The following MAX variants were observed in gnomAD, a reference collection of about 807,000 sequenced individuals.
MAX encodes protein max.
A neutral mutation model predicts 22.3 loss-of-function variants in MAX; 3 were observed. The observed-to-expected ratio is 0.13, with a 90% CI of 0.06 to 0.35. The LOEUF (loss-of-function observed/expected upper bound fraction) is 0.35, where lower values mean the gene tolerates loss of function less well. Among genes scored for constraint, MAX ranks in the 10% least tolerant of loss-of-function variants. The probability of loss-of-function intolerance (pLI) is 1.00; values close to 1 mark genes in which losing one functional copy is unlikely to be tolerated. For missense variants in MAX, 119 were observed against 209.4 expected, an observed-to-expected ratio of 0.57 and a Z score of 2.66; for synonymous variants, 72 against 77.7, an observed-to-expected ratio of 0.93 and a Z score of 0.39.
rs1221672073 is a variant in MAX, at chr14:65,023,086, C to T, written c.172-16802G>A. On this transcript the variant is annotated intron_variant, in intron 3 of 3. Coordinates refer to the MAX transcript ENST00000341653. This position sits in a 1 kb window ranked among gnomAD's most constrained non-coding sequence, Gnocchi z 4.1. ...ATTGATTAATTGATTGAGACAGGGT[C>T]TCACTCTATTGTCTGGGCTGGAATG... 6.6e-6 allele frequency among the ~76,000 whole-genome samples: 1 copy of T among 152,198 alleles called. No individual in the cohort carries two copies. Among genetic ancestry groups the T allele is most frequent in the African/African-American group, 2.4e-5 (1 of 41,438 alleles).
chr14:65,012,423 A>C lies in MAX; in HGVS notation c.172-6139T>G. The C allele has an allele frequency of 1.2e-6, 2 of 1,613,152 alleles. No homozygotes were observed. Among genetic ancestry groups the C allele is most frequent in the Non-Finnish European group, 1.7e-6 (2 of 1,179,186 alleles). On this transcript the variant is annotated intron_variant, in intron 3 of 3. Coordinates refer to the MAX transcript ENST00000341653. This position sits in a 1 kb window ranked among gnomAD's most constrained non-coding sequence, Gnocchi z 5.0. ...ATTACCCAGGAACTCTTGCTGTCAA[A>C]TTATCCACCAAATCCTCCTCCTTTT... is the stretch of plus-strand genomic sequence containing the variant.
At chr14:65,015,534 G>T in intron 3 of MAX, 1 of 1,377,272 alleles carries the variant, frequency 7.3e-7, no homozygotes. Context: ...CCCCTTGCCA[G>T]GCTGCTGGGA....
chr14:65,043,265 T>A (rs1400070286), intron 3 of MAX, among the ~76,000 whole-genome samples: 1 of 152,172 alleles, frequency 6.6e-6, no homozygotes, highest in Non-Finnish European at 1.5e-5. Context: ...ATCTTTGTAG[T>A]AGAGTGTGTT....
At position 65,014,274 on chromosome 14, in the gene MAX, T is replaced by C. The variant is rs930914987; in HGVS notation, c.172-7990A>G. Among the ~76,000 whole-genome samples, 2 of 152,196 alleles carry C rather than the reference T, an allele frequency of 1.3e-5. No individual in the cohort carries two copies. Among genetic ancestry groups the C allele is most frequent in the Non-Finnish European group, 2.9e-5 (2 of 68,040 alleles). ...CTAGCCTTGAATGCTCAATAATCATTTATGGTTTAATTAGGATCAAGAGCC... is the reference window on the plus strand; with the variant it reads ...CTAGCCTTGAATGCTCAATAATCATCTATGGTTTAATTAGGATCAAGAGCC... On this transcript the variant is annotated intron_variant, in intron 3 of 3. Coordinates refer to the MAX transcript ENST00000341653. The surrounding 1 kb of genome is among the most constrained non-coding windows in gnomAD (Gnocchi z 5.1).
intron 3 of MAX, among the ~76,000 whole-genome samples, chr14:65,008,765 T>C (rs1373580304): frequency 6.6e-6 from 1 of 152,200 alleles, no homozygotes; most frequent in Admixed American, 6.5e-5. Context: ...GTAGTGTGGG[T>C]GGAGGCACAT....
At chr14:65,091,374 T>A (rs746297162) in intron 3 of MAX, among the ~76,000 whole-genome samples, 16 of 152,204 alleles carry the variant, frequency 1.1e-4, no homozygotes, top group Non-Finnish European at 2.1e-4. Flanking sequence ...GTAGGACATA[T>A]TTGGATTATA....
Position 65,027,395 on chromosome 14 carries a change from T to G in MAX, c.172-21111A>C. 1 of 1,598,210 alleles carries G rather than the reference T, an allele frequency of 6.3e-7. No individual in the cohort carries two copies. The highest frequency in any genetic ancestry group is 1.1e-5 in the South Asian group (1 of 88,686). On this transcript the variant is annotated intron_variant, in intron 3 of 3. Coordinates refer to the MAX transcript ENST00000341653. This position sits in a 1 kb window ranked among gnomAD's most constrained non-coding sequence, Gnocchi z 5.7. ...AAAGGCCTGGAATCTAGTGGGAATT[T>G]GGTGTTTTGACATGAATGCTCTCTG...
chr14:65,077,853 C>T lies in MAX; in HGVS notation c.295+60G>A. Reference sequence around the variant, plus strand: ...GCTCTGACTCTGCAGGCCCAGGTGCCAAAGCCTGACCTGGCTGGAGCACAG... The same window carrying T: ...GCTCTGACTCTGCAGGCCCAGGTGCTAAAGCCTGACCTGGCTGGAGCACAG... On this transcript the variant is annotated intron_variant, in intron 4 of 4. Transcript: ENST00000358664. The surrounding 1 kb of genome is among the most constrained non-coding windows in gnomAD (Gnocchi z 6.3). 6.2e-7 allele frequency: 1 copy of T among 1,614,232 alleles called. No individual in the cohort carries two copies. The highest frequency in any genetic ancestry group is 8.5e-7 in the Non-Finnish European group (1 of 1,180,040).
chr14:65,043,684 C>T (rs539777015), intron 3 of MAX, among the ~76,000 whole-genome samples: 108 of 151,018 alleles, frequency 7.2e-4, no homozygotes, highest in South Asian at 3.8e-3. Context: ...TAGCCGGGCG[C>T]GGTGGCGGGC....
intron 3 of MAX, among the ~76,000 whole-genome samples, chr14:65,013,307 C>T (rs1408575392): frequency 2.0e-5 from 3 of 146,534 alleles, no homozygotes; most frequent in Non-Finnish European, 4.5e-5. Flanking sequence ...CCCAGGGTTG[C>T]CAAATCATCT....
intron 3 of MAX, among the ~76,000 whole-genome samples, chr14:65,021,078 T>C (rs11627531): frequency 0.56 from 85,723 of 151,968 alleles, 24,813 homozygotes; most frequent in African/African-American, 0.69. Context: ...TATGTGTTTA[T>C]CTAAAATGAA....
intron 2 of MAX, among the ~76,000 whole-genome samples, chr14:65,095,421 G>A (rs963470192): frequency 3.3e-5 from 5 of 152,230 alleles, no homozygotes; most frequent in South Asian, 4.1e-4. Flanking sequence ...CACATAACCT[G>A]AGGGTAGAGG....
At chr14:65,085,977 T>C (rs566837536) in intron 3 of MAX, among the ~76,000 whole-genome samples, 6 of 152,324 alleles carry the variant, frequency 3.9e-5, no homozygotes, top group Non-Finnish European at 7.3e-5. Context: ...AGGAACCTAG[T>C]GAGCAGTAAT....
Position 65,076,418 on chromosome 14 carries a change from A to T in MAX, c.*58T>A. On this transcript the variant is annotated 3_prime_UTR_variant, in exon 5 of 5. Coordinates refer to ENST00000358664, the MANE Select transcript of MAX (RefSeq NM_002382.5). This position sits in a 1 kb window ranked among gnomAD's most constrained non-coding sequence, Gnocchi z 6.6. ...TTCTGAGGGCTCTACCAACGAACTG[A>T]AAGGAGGATGAGACGATGGAGACAG... 1 of 1,611,762 alleles carries T rather than the reference A, an allele frequency of 6.2e-7. No individual in the cohort carries two copies. Among genetic ancestry groups the T allele is most frequent in the East Asian group, 2.2e-5 (1 of 44,886 alleles).
At position 65,093,817 on chromosome 14, in the gene MAX, T is replaced by A; in HGVS notation, c.64-2A>T. 6.5e-7 allele frequency: 1 copy of A among 1,529,496 alleles called. No individual in the cohort carries two copies. The highest frequency in any genetic ancestry group is 1.1e-5 in the South Asian group (1 of 89,482). 94.7% of individuals were successfully genotyped at this position (1,529,496 alleles called of 1,614,324 possible). On this transcript the variant is annotated splice_acceptor_variant, in intron 2 of 4. Coordinates refer to ENST00000358664, the MANE Select transcript of MAX (RefSeq NM_002382.5). LOFTEE classifies it high-confidence loss of function. This position sits in a 1 kb window ranked among gnomAD's most constrained non-coding sequence, Gnocchi z 4.4. The stretch of plus-strand genomic sequence containing the variant: ...ATTATGATGAGCCCGTTTGTCAGCC[T>A]AGAAGAATGGGAGAAAGAACACATT...
At chr14:65,101,261 A>G (rs2063823181) in intron 2 of MAX, among the ~76,000 whole-genome samples, 1 of 152,222 alleles carries the variant, frequency 6.6e-6, no homozygotes, top group African/African-American at 2.4e-5. Flanking sequence ...TTCCACTTAC[A>G]TAGTGGCATC....
rs1192452803 is a variant in MAX, at chr14:65,007,471, G to T, written c.172-1187C>A. Among the ~76,000 whole-genome samples, 1 of 152,210 alleles carries T rather than the reference G, an allele frequency of 6.6e-6. No homozygotes were observed. Among genetic ancestry groups the T allele is most frequent in the East Asian group, 1.9e-4 (1 of 5,202 alleles). ...GATGCCTGTGATGATGCTGAAGTAG[G>T]CATTTGCCTATTCAGTGTTCCAGGG... On this transcript the variant is annotated intron_variant, in intron 3 of 3. Coordinates refer to the MAX transcript ENST00000341653. The surrounding 1 kb of genome is among the most constrained non-coding windows in gnomAD (Gnocchi z 4.9).
intron 3 of MAX, among the ~76,000 whole-genome samples, chr14:65,059,317 G>GC (rs1391219471): frequency 6.6e-6 from 1 of 150,852 alleles, no homozygotes; most frequent in African/African-American, 2.4e-5. Flanking sequence ...ATTGTACCTG[G>GC]CCCCCGCACT....
At chr14:65,060,683 G>A (rs1185507572) in intron 3 of MAX, among the ~76,000 whole-genome samples, 2 of 72,374 alleles carry the variant, frequency 2.8e-5, no homozygotes, top group African/African-American at 1.9e-4. Context: ...GCGACAGAGC[G>A]AGAGACTCCG....
Sources: gnomAD v4.1 joint callset for allele counts (sites outside exome capture counted in the v4.1 genomes callset) on GRCh38, gnomAD v4.1.1 for gene constraint, Gnocchi (gnomAD v3.1) non-coding constraint, MANE v1.5 for transcripts, NCBI Gene and HGNC (gene_info 2026-07-23, HGNC 2026-07-21) for gene names.